Variants in ECE1 observed in about 807,000 individuals in gnomAD.
The protein encoded by ECE1 is endothelin converting enzyme 1, also known as endothelin-converting enzyme 1.
In ECE1, 35 loss-of-function variants were observed where a neutral mutation model predicts 98.6. That is an observed-to-expected ratio of 0.35 (90% CI 0.27 to 0.47). The LOEUF (loss-of-function observed/expected upper bound fraction) is 0.47, where lower values mean the gene tolerates loss of function less well. Among genes scored for constraint, ECE1 ranks in the 20% least tolerant of loss-of-function variants. The pLI, the probability that ECE1 is intolerant of heterozygous loss-of-function variation, is 1.00. For synonymous variants in ECE1, 394 were observed against 407.1 expected, an observed-to-expected ratio of 0.97 and a Z score of 0.39; for missense variants, 814 against 1,025.3, an observed-to-expected ratio of 0.79 and a Z score of 2.81.
intron 1 of ECE1, among the ~76,000 whole-genome samples, chr1:21,338,919 C>T (rs542450544): frequency 1.6e-5 from 2 of 126,830 alleles, no homozygotes; most frequent in African/African-American, 7.1e-5. Flanking sequence ...ACCCTCCTGC[C>T]TTCCCAGCCA....
At chr1:21,337,647 AC>A (rs754134566) in intron 1 of ECE1, among the ~76,000 whole-genome samples, 1 of 152,204 alleles carries the variant, frequency 6.6e-6, no homozygotes, top group East Asian at 1.9e-4. Flanking sequence ...GGTGACACCG[AC>A]TGAGTCCTCT....
intron 4 of ECE1, among the ~76,000 whole-genome samples, chr1:21,268,659 C>T (rs148826087): frequency 1.8e-3 from 275 of 152,376 alleles, no homozygotes; most frequent in Non-Finnish European, 3.1e-3. Flanking sequence ...GGGAAGCCCT[C>T]GCCTCAGCAG....
chr1:21,287,971 A>AC lies in ECE1; in HGVS notation c.138+2098_138+2099insG, dbSNP rs1170116457. On this transcript the variant is annotated intron_variant, in intron 2 of 18. Coordinates refer to ENST00000374893, the MANE Select transcript of ECE1 (RefSeq NM_001397.3). ...GCTTTTACACTGGGGAAAAAAAAAA[A>AC]AACAATGATTGAAAACATTCAATTA... Among the ~76,000 whole-genome samples the AC allele has an allele frequency of 7.5e-3, 1,135 of 151,398 alleles. 17 individuals are homozygous for AC. The highest frequency in any genetic ancestry group is 0.026 in the African/African-American group (1,081 of 41,198).
chr1:21,343,736 TCA>T (rs1268750509), intron 1 of ECE1, among the ~76,000 whole-genome samples: 1 of 152,336 alleles, frequency 6.6e-6, no homozygotes, highest in East Asian at 1.9e-4. Context: ...CCTGGACTCT[TCA>T]CAATAGGCTG....
Position 21,225,296 on chromosome 1 carries a change from AG to A in ECE1, c.1993del (p.Leu665TrpfsTer22). ...NGEPVNGRHT[L>X]GENIADNGGL... ...CCCGTTGTCGGCGATGTTCTCCCCC[AG>A]GGTGTGCCGCCCGTTCACCGGCTCC... On this transcript the variant is annotated frameshift_variant, in exon 17 of 19. Coordinates refer to ENST00000374893, the MANE Select transcript of ECE1 (RefSeq NM_001397.3). LOFTEE classifies it high-confidence loss of function. The surrounding 1 kb of genome is among the most constrained non-coding windows in gnomAD (Gnocchi z 5.3). The A allele has an allele frequency of 6.2e-7, 1 of 1,614,210 alleles. No homozygotes were observed. Among genetic ancestry groups the A allele is most frequent in the Non-Finnish European group, 8.5e-7 (1 of 1,180,036 alleles).
intron 3 of ECE1, among the ~76,000 whole-genome samples, chr1:21,275,477 C>T (rs576371786): frequency 6.6e-6 from 1 of 152,248 alleles, no homozygotes; most frequent in East Asian, 1.9e-4. Context: ...CACCTGTAAT[C>T]CCAGCTACTT....
chr1:21,283,498 C>G (rs1407643633), intron 2 of ECE1, among the ~76,000 whole-genome samples: 1 of 152,066 alleles, frequency 6.6e-6, no homozygotes, highest in Admixed American at 6.6e-5. Flanking sequence ...CTCAAACTCC[C>G]GACCTCAGGT....
chr1:21,267,106 C>G (rs2098234840), intron 4 of ECE1: 2 of 152,172 alleles, frequency 1.3e-5, no homozygotes, highest in African/African-American at 4.8e-5. Flanking sequence ...CTCTTCAGTC[C>G]CATATGCCAT....
intron 1 of ECE1, among the ~76,000 whole-genome samples, chr1:21,341,704 C>T (rs1639402584): frequency 6.6e-6 from 1 of 152,224 alleles, no homozygotes; most frequent in South Asian, 2.1e-4. Context: ...GGGTGAAGTA[C>T]GCACTGTGCT....
At chr1:21,342,199 A>T (rs3026812) in intron 1 of ECE1, among the ~76,000 whole-genome samples, 15,263 of 152,136 alleles carry the variant, frequency 0.1, 2,525 homozygotes, top group African/African-American at 0.34. Flanking sequence ...CAGCTTGGAA[A>T]GTGAAGGAAC....
At chr1:21,264,316 C>CA (rs1221122957) in intron 4 of ECE1, among the ~76,000 whole-genome samples, 1 of 80,118 alleles carries the variant, frequency 1.2e-5, no homozygotes, top group Admixed American at 1.2e-4. Context: ...AATTCCCCCC[C>CA]CCCCTTTTTT....
At position 21,236,775 on chromosome 1, in the gene ECE1, C is replaced by T. The variant is rs2098188801; in HGVS notation, c.1459G>A (p.Glu487Lys). 6 of 1,614,126 alleles carry T rather than the reference C, an allele frequency of 3.7e-6. No homozygotes were observed. The East Asian group carries it at 1.1e-4, about 30-fold the overall frequency. ...ESLSTLKWMD[E>K]ETRKSAKEKA... The stretch of plus-strand genomic sequence containing the variant: ...TCCTTGGCTGATTTTCGGGTTTCCT[C>T]ATCCATCCACTTCAGGGTGCTCAGG... The change falls in exon 12 of 19, where the codon GAG (glutamate) becomes AAG (lysine). Residue 487 changes from glutamate to lysine, a missense_variant. Around this residue, in one of 3 missense-constraint regions of ECE1, gnomAD observed 452 missense variants for 567.3 expected, o/e 0.80. Transcript: ENST00000374893.
At position 21,248,750 on chromosome 1, in the gene ECE1, T is replaced by G. The variant is rs573399126; in HGVS notation, c.1021-1387A>C. 1.9e-4 allele frequency among the ~76,000 whole-genome samples: 28 copies of G among 149,652 alleles called. No individual in the cohort carries two copies. In the East Asian group the frequency reaches 4.7e-3, roughly 25 times the overall value. On this transcript the variant is annotated intron_variant, in intron 8 of 18. Coordinates refer to ENST00000374893, the MANE Select transcript of ECE1 (RefSeq NM_001397.3). ...AGCGATTCTCCTGCCTCAGCCTCCC[T>G]AGTAGCTGGGATTACAGGTGTGAGC...
At chr1:21,330,807 T>A (rs183237708) in intron 1 of ECE1, among the ~76,000 whole-genome samples, 2 of 152,254 alleles carry the variant, frequency 1.3e-5, no homozygotes, top group East Asian at 3.9e-4. Flanking sequence ...AAGGTCCCTA[T>A]CCGCTCACCC....
Position 21,219,073 on chromosome 1 carries a change from C to T in ECE1, c.*882G>A, listed in dbSNP as rs994596210. 3 of 152,366 alleles carry T rather than the reference C, an allele frequency of 2.0e-5. No individual in the cohort carries two copies. The highest frequency in any genetic ancestry group is 6.5e-5 in the Admixed American group (1 of 15,276). 9.4% of individuals were successfully genotyped at this position (152,366 alleles called of 1,614,324 possible). ...GTGTATCTCTGACACAGTCTCACCC[C>T]GCAGGGCTCCTGCAGTCTCGATTCA... On this transcript the variant is annotated 3_prime_UTR_variant, in exon 19 of 19. Coordinates refer to ENST00000374893, the MANE Select transcript of ECE1 (RefSeq NM_001397.3). This position sits in a 1 kb window ranked among gnomAD's most constrained non-coding sequence, Gnocchi z 4.5.
intron 14 of ECE1, 85 bp from the exon 15 acceptor site, chr1:21,228,126 G>C (rs13306311): frequency 3.8e-5 from 40 of 1,043,368 alleles, no homozygotes; most frequent in Admixed American, 3.8e-4. Context: ...CTTGGGGATC[G>C]GGAATAAGGG....
At chr1:21,289,076 C>A (rs143067089) in intron 2 of ECE1, among the ~76,000 whole-genome samples, 112 of 152,276 alleles carry the variant, frequency 7.4e-4, no homozygotes, top group African/African-American at 2.6e-3. Flanking sequence ...GTGGAGTGGG[C>A]CTGGCAACTA....
chr1:21,294,654 G>A (rs1057356777), upstream of ECE1, among the ~76,000 whole-genome samples: 3 of 152,208 alleles, frequency 2.0e-5, no homozygotes, highest in Non-Finnish European at 2.9e-5. The surrounding 1 kb of genome is among the most constrained non-coding windows in gnomAD (Gnocchi z 4.2). Flanking sequence ...GGTTTCTGGC[G>A]ACAAAAGCCT....
At chr1:21,336,605 A>C (rs942078802) in intron 1 of ECE1, among the ~76,000 whole-genome samples, 4 of 152,296 alleles carry the variant, frequency 2.6e-5, no homozygotes, top group Admixed American at 2.6e-4. Context: ...GCACTTTCGG[A>C]GGCCGAGGTG....
Sources: allele counts gnomAD v4.1 joint callset (sites outside exome capture counted in the v4.1 genomes callset), GRCh38; gene constraint gnomAD v4.1.1; regional missense constraint gnomAD v4.1.1; non-coding constraint Gnocchi (gnomAD v3.1); transcripts MANE v1.5; gene names NCBI Gene and HGNC (gene_info 2026-07-23, HGNC 2026-07-21).